The following CLEC2B variants were observed in gnomAD, a reference collection of about 807,000 sequenced individuals.
The protein encoded by CLEC2B is C-type lectin domain family 2 member B.
CLEC2B carries 14 observed loss-of-function variants against 16.2 expected under a neutral mutation model. The ratio of observed to expected loss-of-function variants is 0.86; its 90% CI spans 0.57 to 1.35. The LOEUF is 1.35. CLEC2B is among the 40% of genes most tolerant of loss of function. The probability of loss-of-function intolerance (pLI) is 0.00; values close to 1 mark genes in which losing one functional copy is unlikely to be tolerated. For missense variants in CLEC2B, 166 were observed against 182.3 expected, an observed-to-expected ratio of 0.91 and a Z score of 0.52; for synonymous variants, 42 against 55.8, an observed-to-expected ratio of 0.75 and a Z score of 1.10.
chr12:9,862,500 T>TATCA lies in CLEC2B; in HGVS notation c.68_71dup (p.Val25AspfsTer3), dbSNP rs1867940332. On this transcript the variant is annotated frameshift_variant and splice_region_variant, in exon 2 of 5. Coordinates refer to ENST00000228438, the MANE Select transcript of CLEC2B (RefSeq NM_005127.3). LOFTEE classifies it high-confidence loss of function. Reference sequence around the variant, plus strand: ...AATAAAATGAAGGATGTAACTTACCTATCAGAGTAATAATATTAGTTGTTA... The same window carrying TATCA: ...AATAAAATGAAGGATGTAACTTACCTATCAATCAGAGTAATAATATTAGTTGTTA... 1 of 1,454,720 alleles carries TATCA rather than the reference T, an allele frequency of 6.9e-7. No individual in the cohort carries two copies. The highest frequency in any genetic ancestry group is 9.3e-7 in the Non-Finnish European group (1 of 1,079,640). 90.1% of individuals were successfully genotyped at this position (1,454,720 alleles called of 1,614,324 possible).
chr12:9,852,600 C>T lies in CLEC2B; in HGVS notation c.*700G>A, dbSNP rs147590590. On this transcript the variant is annotated 3_prime_UTR_variant, in exon 5 of 5. Transcript: ENST00000228438. ...TGCCCTGAGTGCCTTTTTCCCCTGG[C>T]CTGTCTACCCTGTTTTAGTTGCATA... 1.3e-5 allele frequency among the ~76,000 whole-genome samples: 2 copies of T among 152,252 alleles called. No individual in the cohort carries two copies. The highest frequency in any genetic ancestry group is 3.9e-4 in the East Asian group (2 of 5,182).
chr12:9,868,344 T>C (rs1867987496), intron 1 of CLEC2B, among the ~76,000 whole-genome samples: 1 of 152,028 alleles, frequency 6.6e-6, no homozygotes, highest in Non-Finnish European at 1.5e-5. Flanking sequence ...TATCTAACTT[T>C]AGGCAGAATT....
At position 9,853,334 on chromosome 12, in the gene CLEC2B, T is replaced by C. The variant is rs1185126726; in HGVS notation, c.416A>G (p.Glu139Gly). Reference protein sequence around the residue: ...DGAATARCYTERKWICRKRIH With the variant: ...DGAATARCYTGRKWICRKRIH Reference sequence around the variant, plus strand: ...TCTTTTCCTGCAAATCCATTTTCTTTCGGTGTAACATCTAGCTGTTGCTGC... The same window carrying C: ...TCTTTTCCTGCAAATCCATTTTCTTCCGGTGTAACATCTAGCTGTTGCTGC... The change falls in exon 5 of 5, where the codon GAA (glutamate) becomes GGA (glycine). Residue 139 changes from glutamate (E) to glycine (G), a missense_variant. Coordinates refer to ENST00000228438, the MANE Select transcript of CLEC2B (RefSeq NM_005127.3). 5.0e-6 allele frequency: 8 copies of C among 1,613,952 alleles called. No homozygotes were observed. The highest frequency in any genetic ancestry group is 6.8e-6 in the Non-Finnish European group (8 of 1,179,816).
chr12:9,857,532 T>G lies in CLEC2B; in HGVS notation c.179A>C (p.Lys60Thr), dbSNP rs1335627895. The change falls in exon 3 of 5, where the codon AAA (lysine) becomes ACA (threonine). Residue 60 changes from lysine to threonine, a missense_variant. Coordinates refer to ENST00000228438, the MANE Select transcript of CLEC2B (RefSeq NM_005127.3). ...SKEEGDWNSS[K>T]YNCSTQHADL... ...GGCATGTTGAGTGGAACAGTTGTAT[T>G]TACTTGAATTCCAATCTCCTTCTTC... 6.2e-7 allele frequency: 1 copy of G among 1,611,532 alleles called. No homozygotes were observed. The highest frequency in any genetic ancestry group is 1.3e-5 in the African/African-American group (1 of 74,840).
At chr12:9,856,176 A>G (rs1867893471) in intron 3 of CLEC2B, among the ~76,000 whole-genome samples, 1 of 152,112 alleles carries the variant, frequency 6.6e-6, no homozygotes, top group Non-Finnish European at 1.5e-5. Flanking sequence ...ATCTTTGCTG[A>G]CAATATTCCT....
At position 9,860,458 on chromosome 12, in the gene CLEC2B, A is replaced by C. The variant is rs935543079; in HGVS notation, c.73+2041T>G. On this transcript the variant is annotated intron_variant, in intron 2 of 4. Transcript: ENST00000228438. ...CATTGAGTCTTTAAAAAATTCTTAA[A>C]AGGATGTGTGTGAAATCTATTCTGA... 4.6e-5 allele frequency among the ~76,000 whole-genome samples: 7 copies of C among 151,940 alleles called. No homozygotes were observed. In the East Asian group the frequency reaches 1.4e-3, roughly 29 times the overall value.
intron 2 of CLEC2B, 53 bp downstream of exon 2, chr12:9,862,446 A>G: frequency 7.3e-7 from 1 of 1,366,912 alleles, no homozygotes; most frequent in Non-Finnish European, 9.7e-7. Flanking sequence ...GACAGAAAGG[A>G]ATAGGATCAC....
At position 9,852,987 on chromosome 12, in the gene CLEC2B, T is replaced by G. The variant is rs1345413410; in HGVS notation, c.*313A>C. ...GGTACTCAAATTGTTCCATATTGGG[T>G]CATGAAAGTCCTGTCTAAGTGCTAT... On this transcript the variant is annotated 3_prime_UTR_variant, in exon 5 of 5. Coordinates refer to ENST00000228438, the MANE Select transcript of CLEC2B (RefSeq NM_005127.3). The G allele has an allele frequency of 4.0e-6, 1 of 250,110 alleles. No homozygotes were observed. 15.5% of individuals were successfully genotyped at this position (250,110 alleles called of 1,614,324 possible). A position where few individuals can be genotyped will look rare whatever the true frequency, so the allele number is the denominator to read the frequency against.
chr12:9,862,702 T>A (rs926961389), intron 1 of CLEC2B, 129 bp from the exon 2 acceptor site: 18 of 763,744 alleles, frequency 2.4e-5, no homozygotes, highest in Non-Finnish European at 5.4e-6. Context: ...TCCCCAGCAA[T>A]ATCCTAGAAT....
In CLEC2B at chr12:9,863,697, CAAG is replaced by C. The variant is rs1194444126; in HGVS notation, c.-2-1127_-2-1125del. Reference sequence around the variant, plus strand: ...TAGCGGCTCTCAAAAGAGAATGGATCAAGAAGAAGAAATAATCGGTGAGCATGA... The same window carrying C: ...TAGCGGCTCTCAAAAGAGAATGGATCAAGAAGAAATAATCGGTGAGCATGA... On this transcript the variant is annotated intron_variant, in intron 1 of 4. Coordinates refer to ENST00000228438, the MANE Select transcript of CLEC2B (RefSeq NM_005127.3). Among the ~76,000 whole-genome samples, 10 of 151,644 alleles carry C rather than the reference CAAG, an allele frequency of 6.6e-5. No homozygotes were observed. The East Asian group carries it at 1.7e-3, about 26-fold the overall frequency.
At chr12:9,857,168 A>G (rs1591768592) in intron 3 of CLEC2B, 1 of 203,042 alleles carries the variant, frequency 4.9e-6, no homozygotes, top group Non-Finnish European at 9.8e-6. Flanking sequence ...CCTTCCTCAG[A>G]CAATTCTCCT....
chr12:9,853,937 T>C (rs1411341156), intron 4 of CLEC2B, among the ~76,000 whole-genome samples: 2 of 152,166 alleles, frequency 1.3e-5, no homozygotes, highest in African/African-American at 4.8e-5. Context: ...ATTTTCCAAA[T>C]TATAATGCTA....
In CLEC2B at chr12:9,854,363, A is replaced by G; in HGVS notation, c.341+18T>C. ...GCACTATCTAAATTTAAGTGATCCC[A>G]GAAAAAAATAAACTCACGATTTGGT... On this transcript the variant is annotated intron_variant, in intron 4 of 4. Transcript: ENST00000228438. 1 of 1,557,234 alleles carries G rather than the reference A, an allele frequency of 6.4e-7. No individual in the cohort carries two copies. Among genetic ancestry groups the G allele is most frequent in the Non-Finnish European group, 8.8e-7 (1 of 1,130,948 alleles).
intron 1 of CLEC2B, among the ~76,000 whole-genome samples, chr12:9,866,387 C>T (rs1269856067): frequency 6.6e-6 from 1 of 151,894 alleles, no homozygotes; most frequent in Non-Finnish European, 1.5e-5. Flanking sequence ...CTTGATCAAA[C>T]CTTTGTGGCA....
chr12:9,858,163 G>A (rs1177193202), intron 2 of CLEC2B, among the ~76,000 whole-genome samples: 1 of 152,044 alleles, frequency 6.6e-6, no homozygotes, highest in African/African-American at 2.4e-5. Flanking sequence ...TGGAAGTAAA[G>A]CAGAAGATAT....
chr12:9,857,744 T>G, intron 2 of CLEC2B, 107 bp from the exon 3 acceptor site: 1 of 875,822 alleles, frequency 1.1e-6, no homozygotes, highest in Non-Finnish European at 1.8e-6. Flanking sequence ...ATGGTCACTA[T>G]GAAAGTTGTA....
At chr12:9,853,542 G>A in intron 4 of CLEC2B, 134 bp from the exon 5 acceptor site, 1 of 671,902 alleles carries the variant, frequency 1.5e-6, no homozygotes, top group Non-Finnish European at 2.7e-6. Flanking sequence ...CTAGTGTTGA[G>A]ATACCTATAC....
At chr12:9,868,188 T>A (rs543278856) in intron 1 of CLEC2B, among the ~76,000 whole-genome samples, 1 of 150,812 alleles carries the variant, frequency 6.6e-6, no homozygotes. Context: ...TGTATTTATA[T>A]ACAAATGTAT....
At chr12:9,857,805 T>C (rs1346270292) in intron 2 of CLEC2B, among the ~76,000 whole-genome samples, 168 bp from the exon 3 acceptor site, 1 of 152,088 alleles carries the variant, frequency 6.6e-6, no homozygotes, top group East Asian at 1.9e-4. Context: ...TCATGTTAGG[T>C]CAAATGACAG....
Sources: allele counts gnomAD v4.1 joint callset (sites outside exome capture counted in the v4.1 genomes callset), GRCh38; gene constraint gnomAD v4.1.1; transcripts MANE v1.5; gene names NCBI Gene and HGNC (gene_info 2026-07-23, HGNC 2026-07-21).